Variants in LCA5 observed in about 807,000 individuals in gnomAD.
The protein encoded by LCA5 is lebercilin LCA5, also known as lebercilin.
Under a neutral mutation model 53.0 loss-of-function variants are expected in LCA5, and 37 were observed. The ratio of observed to expected loss-of-function variants is 0.70; its 90% confidence interval spans 0.54 to 0.92. The LOEUF is 0.92. Ranked by LOEUF, LCA5 falls within the 40% of genes least tolerant of loss-of-function variation. The pLI is 0.00. For missense variants in LCA5, 806 were observed against 790.5 expected, an observed-to-expected ratio of 1.02 and a Z score of -0.23; for synonymous variants, 303 against 282.9, an observed-to-expected ratio of 1.07 and a Z score of -0.71.
chr6:79,487,120 T>C lies in LCA5; in HGVS notation c.1978A>G (p.Ser660Gly). ...TTTGGATTAAAACTTCTTCCTTCAC[T>C]GAGGAAAAAGCCTTCATCTTCATCA... ...EHDEDEGFFLSEGRSFNPNRH... is the reference protein window; with the variant it reads ...EHDEDEGFFLGEGRSFNPNRH... Residue 660 changes from serine (S) to glycine (G), a missense_variant, in exon 8 of 8, where the codon AGT becomes GGT. Physicochemically the swap from Ser to Gly is moderately conservative, Grantham distance 56 (BLOSUM62 0). Transcript: ENST00000369846. 1 of 1,613,972 alleles carries C rather than the reference T, an allele frequency of 6.2e-7. No homozygotes were observed. Among genetic ancestry groups the C allele is most frequent in the Non-Finnish European group, 8.5e-7 (1 of 1,179,910 alleles).
intron 3 of LCA5, among the ~76,000 whole-genome samples, chr6:79,495,962 G>T (rs751782289): frequency 2.6e-5 from 4 of 151,930 alleles, no homozygotes; most frequent in African/African-American, 9.7e-5. Context: ...CCAAACATCT[G>T]TATCTGTCCC....
rs1001422592 is a variant in LCA5 at position 79,487,311 on chromosome 6, G to A, written c.1787C>T (p.Thr596Ile). 24 of 1,612,884 alleles carry A rather than the reference G, an allele frequency of 1.5e-5. No homozygotes were observed. The highest frequency in any genetic ancestry group is 1.2e-4 in the Admixed American group (7 of 59,888). The change falls in exon 8 of 8, where the codon ACA becomes ATA. Residue 596 changes from threonine (T) to isoleucine (I), a missense_variant. By Grantham distance (89) the Thr-to-Ile change is moderately conservative. Coordinates refer to ENST00000369846, the MANE Select transcript of LCA5 (RefSeq NM_001122769.3). ...CAAATTAGCTTTTTTCTCTTTTCTT[G>A]TAATTAAATCTACACCATCTTTACT... is the stretch of plus-strand genomic sequence containing the variant. ...KLSKDGVDLI[T>I]RKEKKANLME...
chr6:79,531,038 T>C (rs553365017), intron 1 of LCA5, among the ~76,000 whole-genome samples: 32 of 152,238 alleles, frequency 2.1e-4, no homozygotes, highest in African/African-American at 6.7e-4. Context: ...TTTGCAAAGA[T>C]TTAGGAAACT....
chr6:79,518,351 TTTCAAAAAATGAAGATACAAAA>T lies in LCA5; in HGVS notation c.190+332_190+353del, dbSNP rs1440867431. The stretch of plus-strand genomic sequence containing the variant: ...CACTTTATGTCGATGCTTTTTCTAC[TTTCAAAAAATGAAGATACAAAA>T]AGGTACATATGATTTATAAACTTTT... On this transcript the variant is annotated intron_variant, in intron 2 of 7. Coordinates refer to ENST00000369846, the MANE Select transcript of LCA5 (RefSeq NM_001122769.3). Among the ~76,000 whole-genome samples, 6 of 152,264 alleles carry T rather than the reference TTTCAAAAAATGAAGATACAAAA, an allele frequency of 3.9e-5. No individual in the cohort carries two copies. In the East Asian group the frequency reaches 1.2e-3, roughly 29 times the overall value.
At chr6:79,488,982 T>C in intron 7 of LCA5, 102 bp downstream of exon 7, 1 of 1,336,104 alleles carries the variant, frequency 7.5e-7, no homozygotes, top group South Asian at 1.2e-5. Context: ...TTGTTCTACC[T>C]AAGCAATTCA....
chr6:79,529,565 C>T (rs987158295), intron 1 of LCA5, among the ~76,000 whole-genome samples: 55 of 152,122 alleles, frequency 3.6e-4, no homozygotes, highest in African/African-American at 1.2e-3. Flanking sequence ...ATAAGGGTAA[C>T]CTTGTGAGGG....
At chr6:79,514,600 T>C (rs573963557) in intron 2 of LCA5, among the ~76,000 whole-genome samples, 1 of 152,204 alleles carries the variant, frequency 6.6e-6, no homozygotes, top group African/African-American at 2.4e-5. Context: ...AGCAAAGACA[T>C]GGAATCAACC....
chr6:79,514,232 T>C (rs750799004), intron 2 of LCA5, among the ~76,000 whole-genome samples: 1 of 152,192 alleles, frequency 6.6e-6, no homozygotes, highest in Non-Finnish European at 1.5e-5. Flanking sequence ...TTTTTTCATA[T>C]GCTTGTTGGC....
At chr6:79,508,137 C>T (rs80013721) in intron 3 of LCA5, among the ~76,000 whole-genome samples, 2,708 of 152,168 alleles carry the variant, frequency 0.018, 77 homozygotes, top group African/African-American at 0.061. Context: ...GCCCTTTGTA[C>T]GGAGCTCAGG....
chr6:79,508,534 A>C (rs908784154), intron 3 of LCA5, among the ~76,000 whole-genome samples: 1 of 151,670 alleles, frequency 6.6e-6, no homozygotes, highest in Non-Finnish European at 1.5e-5. Flanking sequence ...TGTGGCCTGA[A>C]ATCCTAGAAT....
chr6:79,505,250 C>T (rs1376555787), intron 3 of LCA5, among the ~76,000 whole-genome samples: 1 of 151,990 alleles, frequency 6.6e-6, no homozygotes, highest in Non-Finnish European at 1.5e-5. Flanking sequence ...ACACTTCAAT[C>T]AAAAATATCA....
In LCA5 at chr6:79,502,629, A is replaced by T. The variant is rs144457744; in HGVS notation, c.721-8879T>A. Reference sequence around the variant, plus strand: ...ACAATTAGTATCTTTTACAGTTTTTAGATCATTTTATCAGAAGATGCTGAT... The same window carrying T: ...ACAATTAGTATCTTTTACAGTTTTTTGATCATTTTATCAGAAGATGCTGAT... On this transcript the variant is annotated intron_variant, in intron 3 of 7. Coordinates refer to ENST00000369846, the MANE Select transcript of LCA5 (RefSeq NM_001122769.3). 6.5e-3 allele frequency among the ~76,000 whole-genome samples: 991 copies of T among 152,288 alleles called. 10 individuals are homozygous for T. Among genetic ancestry groups the T allele is most frequent in the African/African-American group, 0.023 (948 of 41,558 alleles).
chr6:79,513,179 A>G (rs1465346997), intron 3 of LCA5, 33 bp downstream of exon 3: 41 of 1,593,244 alleles, frequency 2.6e-5, no homozygotes, highest in Non-Finnish European at 3.4e-5. Flanking sequence ...AAACATCCCA[A>G]GAAAGTACAA....
At position 79,487,353 on chromosome 6, in the gene LCA5, T is replaced by A. The variant is rs1247886099; in HGVS notation, c.1745A>T (p.Asn582Ile). 1.2e-6 allele frequency: 2 copies of A among 1,612,990 alleles called. No individual in the cohort carries two copies. The highest frequency in any genetic ancestry group is 1.1e-5 in the South Asian group (1 of 90,876). Residue 582 changes from asparagine to isoleucine, a missense_variant, in exon 8 of 8, where the codon AAC becomes ATC. Asn to Ile is a moderately radical substitution (Grantham distance 149, BLOSUM62 -3). Coordinates refer to ENST00000369846, the MANE Select transcript of LCA5 (RefSeq NM_001122769.3). The stretch of plus-strand genomic sequence containing the variant: ...ATCTTTACTAAGTTTTTCCATACTG[T>A]TTCTTTGGAAATCCAAAAAACTACT... The part of the protein sequence containing the change: ...QKSSFLDFQR[N>I]SMEKLSKDGV...
intron 3 of LCA5, among the ~76,000 whole-genome samples, chr6:79,497,756 T>C (rs1162199847): frequency 1.3e-5 from 2 of 152,000 alleles, no homozygotes; most frequent in African/African-American, 4.8e-5. Context: ...GGGCAGATCA[T>C]GAGGTCAGGA....
At chr6:79,505,361 A>AT (rs1329063256) in intron 3 of LCA5, among the ~76,000 whole-genome samples, 1 of 152,190 alleles carries the variant, frequency 6.6e-6, no homozygotes, top group Non-Finnish European at 1.5e-5. Context: ...CTCAATGAAT[A>AT]TTTTATCTTC....
chr6:79,534,875 T>C (rs955507218), intron 1 of LCA5, among the ~76,000 whole-genome samples: 2 of 152,104 alleles, frequency 1.3e-5, no homozygotes, highest in Admixed American at 6.6e-5. Flanking sequence ...TGCAAATACT[T>C]TACAACTGTG....
chr6:79,492,562 A>G lies in LCA5; in HGVS notation c.944T>C (p.Leu315Ser). The G allele has an allele frequency of 6.6e-7, 1 of 1,510,036 alleles. No homozygotes were observed. The highest frequency in any genetic ancestry group is 9.1e-7 in the Non-Finnish European group (1 of 1,093,914). 93.5% of individuals were successfully genotyped at this position (1,510,036 alleles called of 1,614,324 possible). The change falls in exon 5 of 8, where the codon TTA (leucine) becomes TCA (serine). Residue 315 changes from leucine to serine, a missense_variant. Leu to Ser is a moderately radical substitution (Grantham distance 145). Transcript: ENST00000369846. ...CATATTTACCATACCATTTTTTCTT[A>G]ATGCAAGTTCTTTCTCTTTATTTGG... ...SSPNKEKELA[L>S]RKNAACQSDF...
chr6:79,503,799 CGCGCGT>C (rs756478632), intron 3 of LCA5, among the ~76,000 whole-genome samples: 68 of 152,204 alleles, frequency 4.5e-4, no homozygotes, highest in Middle Eastern at 3.4e-3. Flanking sequence ...TGTGTGTGTG[CGCGCGT>C]GCGCGTGCGT....
Sources: gnomAD v4.1 joint callset for allele counts (sites outside exome capture counted in the v4.1 genomes callset) on GRCh38, gnomAD v4.1.1 for gene constraint, MANE v1.5 for transcripts, NCBI Gene and HGNC (gene_info 2026-07-23, HGNC 2026-07-21) for gene names.